ANKMY1: variants seen among roughly 807,000 people sequenced by gnomAD.
ANKMY1 encodes the protein ankyrin repeat and MYND domain containing 1.
Under a neutral mutation model 102.0 loss-of-function variants are expected in ANKMY1, and 98 were observed. That is an observed-to-expected ratio of 0.96 (90% confidence interval 0.82 to 1.14). ANKMY1 has a LOEUF of 1.14. Among genes scored for constraint, ANKMY1 ranks in the 50% most tolerant of loss-of-function variants. The pLI is 0.00. For missense variants in ANKMY1, 1,330 were observed against 1,347.6 expected (o/e 0.99, Z 0.20); for synonymous variants, 582 against 559.9 (o/e 1.04, Z -0.56).
intron 16 of ANKMY1, among the ~76,000 whole-genome samples, chr2:240,481,826 T>G (rs1461041275): frequency 6.6e-6 from 1 of 152,014 alleles, no homozygotes; most frequent in African/African-American, 2.4e-5. Flanking sequence ...CCACAGGACA[T>G]CTTGCAGAAG....
At chr2:240,500,153 G>A (rs780555798) in intron 14 of ANKMY1, 30 bp from the exon 15 acceptor site, 169 of 1,550,282 alleles carry the variant, frequency 1.1e-4, no homozygotes, top group Non-Finnish European at 8.6e-5. Flanking sequence ...TCACCACAGG[G>A]TCCCGGGCCC....
Position 240,525,716 on chromosome 2 carries a change from T to C in ANKMY1, c.1304A>G (p.Asn435Ser), listed in dbSNP as rs756484662. Residue 435 changes from asparagine to serine, a missense_variant, in exon 7 of 18, where the codon AAT (asparagine) becomes AGT (serine). Transcript: ENST00000401804. ...CTCAGGTATGGTCCGTTCAGCAACA[T>C]TGGGCTTGAAGGACTGGGCGGGGTA... Reference protein sequence around the residue: ...LHYPAQSFKPNVAERTIPEPQ... With the variant: ...LHYPAQSFKPSVAERTIPEPQ... 4.9e-5 allele frequency: 79 copies of C among 1,613,820 alleles called. No homozygotes were observed. Among genetic ancestry groups the C allele is most frequent in the Middle Eastern group, 3.3e-4 (2 of 6,084 alleles).
chr2:240,492,607 T>C (rs1463725902), intron 15 of ANKMY1, among the ~76,000 whole-genome samples: 2 of 152,252 alleles, frequency 1.3e-5, no homozygotes, highest in African/African-American at 2.4e-5. Flanking sequence ...TTCTCATTCA[T>C]ATCCTGAATT....
At position 240,506,225 on chromosome 2, in the gene ANKMY1, C is replaced by CGCT. The variant is rs1370257898; in HGVS notation, c.2526+1332_2526+1334dup. ...CACATTCAGCGTCCACACACAACAA[C>CGCT]GCTGCCCCCTGAGCTGCCTCTCCCG... On this transcript the variant is annotated intron_variant, in intron 13 of 17. Transcript: ENST00000401804. This position sits in a 1 kb window ranked among gnomAD's most constrained non-coding sequence, Gnocchi z 4.9. Among the ~76,000 whole-genome samples, 2 of 152,212 alleles carry CGCT rather than the reference C, an allele frequency of 1.3e-5. No homozygotes were observed. Among genetic ancestry groups the CGCT allele is most frequent in the African/African-American group, 4.8e-5 (2 of 41,456 alleles).
intron 15 of ANKMY1, among the ~76,000 whole-genome samples, chr2:240,484,418 C>A (rs2075803034): frequency 6.6e-6 from 1 of 152,228 alleles, no homozygotes; most frequent in Admixed American, 6.5e-5. Flanking sequence ...ACCATCTGAT[C>A]TTTGACAAAC....
At chr2:240,490,102 C>G (rs184553368) in intron 15 of ANKMY1, among the ~76,000 whole-genome samples, 11 of 151,522 alleles carry the variant, frequency 7.3e-5, no homozygotes, top group Non-Finnish European at 1.3e-4. Context: ...TCTCCTTTTC[C>G]ATTTCTGATT....
intron 4 of ANKMY1, among the ~76,000 whole-genome samples, chr2:240,535,436 T>C (rs2086490085): frequency 6.6e-6 from 1 of 152,168 alleles, no homozygotes; most frequent in Admixed American, 6.5e-5. Context: ...AAAATGTTTC[T>C]TACGGGACCT....
intron 15 of ANKMY1, among the ~76,000 whole-genome samples, chr2:240,490,686 G>A (rs115538990): frequency 0.035 from 5,337 of 152,218 alleles, 126 homozygotes; most frequent in South Asian, 0.08. Context: ...ATTGTGATCT[G>A]AGAAGATACC....
intron 4 of ANKMY1, among the ~76,000 whole-genome samples, chr2:240,532,897 A>T (rs1316082704): frequency 5.3e-5 from 8 of 152,176 alleles, no homozygotes; most frequent in African/African-American, 1.9e-4. Flanking sequence ...TTTTGTAGAG[A>T]TGAGGTCTCA....
chr2:240,526,103 TG>T, intron 6 of ANKMY1, 125 bp downstream of exon 6: 1 of 1,200,120 alleles, frequency 8.3e-7, no homozygotes, highest in Admixed American at 1.9e-5. Flanking sequence ...GGTGGAGGTG[TG>T]GACAATCAGT....
At chr2:240,485,485 G>T (rs1326281656) in intron 15 of ANKMY1, among the ~76,000 whole-genome samples, 1 of 152,142 alleles carries the variant, frequency 6.6e-6, no homozygotes, top group Non-Finnish European at 1.5e-5. Flanking sequence ...AGAACAAGTG[G>T]ATTATTGTTA....
At position 240,520,019 on chromosome 2, in the gene ANKMY1, T is replaced by A. The variant is rs1205609202; in HGVS notation, c.2004+343A>T. On this transcript the variant is annotated intron_variant, in intron 9 of 17. Coordinates refer to ENST00000401804, the MANE Select transcript of ANKMY1 (RefSeq NM_001282771.3). The surrounding 1 kb of genome is among the most constrained non-coding windows in gnomAD (Gnocchi z 4.8). Reference sequence around the variant, plus strand: ...GCCTGCGTCCTTGTGATGCTGAGCGTGGGTTGAAAGGAGGCCCGCCTCCTC... The same window carrying A: ...GCCTGCGTCCTTGTGATGCTGAGCGAGGGTTGAAAGGAGGCCCGCCTCCTC... The A allele has an allele frequency of 1.9e-6, 1 of 518,024 alleles. No homozygotes were observed. Among genetic ancestry groups the A allele is most frequent in the East Asian group, 5.2e-5 (1 of 19,126 alleles). The allele number at this position is 518,024 out of a possible 1,614,324, so 32.1% of individuals were successfully genotyped here. A position where few individuals can be genotyped will look rare whatever the true frequency, so the allele number is the denominator to read the frequency against.
At chr2:240,482,117 C>G in intron 16 of ANKMY1, 66 bp downstream of exon 16, 1 of 1,541,106 alleles carries the variant, frequency 6.5e-7, no homozygotes, top group Non-Finnish European at 8.9e-7. Context: ...TCAGGCCAGG[C>G]ACAACAGCAC....
chr2:240,479,588 C>A lies in ANKMY1; in HGVS notation c.*21G>T. 6.2e-7 allele frequency: 1 copy of A among 1,613,858 alleles called. No homozygotes were observed. Among genetic ancestry groups the A allele is most frequent in the East Asian group, 2.2e-5 (1 of 44,870 alleles). On this transcript the variant is annotated 3_prime_UTR_variant, in exon 18 of 18. Transcript: ENST00000401804. ...ACACAGTCCTGGGTCCTCCCCAAGC[C>A]TCGGACGTGCAGCTGCTGCTTCACT...
intron 4 of ANKMY1, among the ~76,000 whole-genome samples, chr2:240,540,491 C>T (rs1044217327): frequency 1.3e-5 from 2 of 152,210 alleles, no homozygotes; most frequent in African/African-American, 4.8e-5. Context: ...TGTCAAAGAA[C>T]TGAAACTCAC....
chr2:240,480,305 C>T (rs925860320), intron 17 of ANKMY1, among the ~76,000 whole-genome samples: 1 of 152,244 alleles, frequency 6.6e-6, no homozygotes, highest in Admixed American at 6.5e-5. Context: ...CCGTCCCCAC[C>T]AGGCCGGGAA....
intron 10 of ANKMY1, 58 bp from the exon 11 acceptor site, chr2:240,512,059 G>C (rs929418393): frequency 4.7e-6 from 7 of 1,480,092 alleles, no homozygotes; most frequent in Non-Finnish European, 6.2e-6. Flanking sequence ...CCCACGGGAA[G>C]GCAAACGGAG....
chr2:240,495,986 G>A (rs1022076517), intron 15 of ANKMY1, among the ~76,000 whole-genome samples: 3 of 152,150 alleles, frequency 2.0e-5, no homozygotes, highest in Admixed American at 1.3e-4. Context: ...GTGACTGTCT[G>A]TACACTGCTC....
chr2:240,469,972 A>G, the ANKMY1 span, among the ~76,000 whole-genome samples: 1 of 152,208 alleles, frequency 6.6e-6, no homozygotes, highest in Non-Finnish European at 1.5e-5. Context: ...AGGCCTATGC[A>G]CGTGCACACA....
Sources: allele counts gnomAD v4.1 joint callset (sites outside exome capture counted in the v4.1 genomes callset), GRCh38; gene constraint gnomAD v4.1.1; non-coding constraint Gnocchi (gnomAD v3.1); transcripts MANE v1.5; gene names NCBI Gene and HGNC (gene_info 2026-07-23, HGNC 2026-07-21).